Variants in GCNT2 observed in about 807,000 individuals in gnomAD.
GCNT2 encodes the protein glucosaminyl (N-acetyl) transferase 2 (I blood group).
Under a neutral mutation model 34.2 loss-of-function variants are expected in GCNT2, and 34 were observed. The observed-to-expected ratio is 1.00, with a 90% confidence interval of 0.76 to 1.32. The LOEUF is 1.32. Among genes scored for constraint, GCNT2 ranks in the 40% most tolerant of loss-of-function variants. GCNT2 has a pLI of 0.00. For missense variants in GCNT2, 584 were observed against 489.4 expected (o/e 1.19, Z -1.82); for synonymous variants, 212 against 188.0 (o/e 1.13, Z -1.04).
chr6:10,569,212 C>T (rs1215403455), intron 3 of GCNT2, among the ~76,000 whole-genome samples: 1 of 147,236 alleles, frequency 6.8e-6, no homozygotes, highest in Non-Finnish European at 1.5e-5. Flanking sequence ...ACTTGCATCA[C>T]CCCCTGCCAC....
chr6:10,568,023 C>G (rs1763365124), intron 3 of GCNT2, among the ~76,000 whole-genome samples: 1 of 152,170 alleles, frequency 6.6e-6, no homozygotes, highest in African/African-American at 2.4e-5. Context: ...AGCTACTATT[C>G]TCAGTGAAAT....
At chr6:10,537,623 C>T (rs1246664895) in intron 3 of GCNT2, among the ~76,000 whole-genome samples, 1 of 142,618 alleles carries the variant, frequency 7.0e-6, no homozygotes, top group South Asian at 2.2e-4. Flanking sequence ...ATCGCTTAAA[C>T]CCGGGAGGCG....
intron 3 of GCNT2, among the ~76,000 whole-genome samples, chr6:10,612,394 G>A (rs1765597588): frequency 6.6e-6 from 1 of 152,178 alleles, no homozygotes; most frequent in South Asian, 2.1e-4. Flanking sequence ...CACATCTGTG[G>A]TTGGGGACCT....
At chr6:10,563,749 GAAA>G (rs1401502686) in intron 3 of GCNT2, among the ~76,000 whole-genome samples, 2 of 4,246 alleles carry the variant, frequency 4.7e-4, no homozygotes, top group East Asian at 0.012. Context: ...CTCAAAAAAA[GAAA>G]AAAGAAAAAA....
chr6:10,568,988 T>C (rs754556119), intron 3 of GCNT2, among the ~76,000 whole-genome samples: 2 of 152,202 alleles, frequency 1.3e-5, no homozygotes, highest in Non-Finnish European at 2.9e-5. Flanking sequence ...TTTTATGTCA[T>C]TCTAGAATCT....
At chr6:10,563,276 A>T in intron 3 of GCNT2, among the ~76,000 whole-genome samples, 1 of 152,304 alleles carries the variant, frequency 6.6e-6, no homozygotes, top group Non-Finnish European at 1.5e-5. Context: ...AACTGACCTA[A>T]CCGTACCCTT....
At chr6:10,556,744 C>T (rs1218213998) in intron 3 of GCNT2, 4 of 1,614,162 alleles carry the variant, frequency 2.5e-6, no homozygotes, top group East Asian at 2.2e-5. Context: ...ACTTTGACAC[C>T]TTTGCAAGGC....
At position 10,542,641 on chromosome 6, in the gene GCNT2, C is replaced by T. The variant is rs572547220; in HGVS notation, c.925+12805C>T. ...ATGCGTAGCTCCTTTTACTTATTGCCATGTTTTTAAGGTTCATCCGTGTTA... is the reference window on the plus strand; with the variant it reads ...ATGCGTAGCTCCTTTTACTTATTGCTATGTTTTTAAGGTTCATCCGTGTTA... On this transcript the variant is annotated intron_variant, in intron 3 of 4. Transcript: ENST00000495262. 2.6e-5 allele frequency among the ~76,000 whole-genome samples: 4 copies of T among 152,222 alleles called. No individual in the cohort carries two copies. The East Asian group carries it at 7.7e-4, about 29-fold the overall frequency.
intron 3 of GCNT2, among the ~76,000 whole-genome samples, chr6:10,569,162 C>A (rs1350321163): frequency 6.6e-6 from 1 of 150,514 alleles, no homozygotes; most frequent in Admixed American, 6.7e-5. Flanking sequence ...GATGTTGGTG[C>A]CCCTCAGCAC....
chr6:10,543,809 A>G (rs528093375), intron 3 of GCNT2, among the ~76,000 whole-genome samples: 1 of 152,294 alleles, frequency 6.6e-6, no homozygotes, highest in Admixed American at 6.5e-5. Flanking sequence ...CACTGAGGAC[A>G]CTGAGATATG....
intron 3 of GCNT2, among the ~76,000 whole-genome samples, chr6:10,561,165 T>A (rs748458343): frequency 6.6e-6 from 1 of 152,138 alleles, no homozygotes; most frequent in Non-Finnish European, 1.5e-5. Context: ...GAATTTTCTT[T>A]TCTTTTTCTT....
At position 10,555,381 on chromosome 6, in the gene GCNT2, A is replaced by G. The variant is rs956496465; in HGVS notation, c.925+25545A>G. 1.9e-4 allele frequency among the ~76,000 whole-genome samples: 29 copies of G among 152,122 alleles called. 1 individual carries two copies. The highest frequency in any genetic ancestry group is 3.6e-4 in the African/African-American group (15 of 41,426). The stretch of plus-strand genomic sequence containing the variant: ...CTATATTTACAAATAGGGGATAAAA[A>G]CACCCACTTCCTAGGTGGTCCATAA... On this transcript the variant is annotated intron_variant, in intron 3 of 4. Coordinates refer to ENST00000495262, the MANE Select transcript of GCNT2 (RefSeq NM_145649.5).
At chr6:10,555,971 C>T (rs574736453) in intron 3 of GCNT2, 143 of 1,033,680 alleles carry the variant, frequency 1.4e-4, no homozygotes, top group Non-Finnish European at 1.6e-4. Context: ...GGAAGCGGCA[C>T]GCCTGCCAGA....
chr6:10,533,437 G>C (rs1398379173), intron 3 of GCNT2, among the ~76,000 whole-genome samples: 1 of 151,926 alleles, frequency 6.6e-6, no homozygotes, highest in African/African-American at 2.4e-5. Context: ...TCAAATTTTA[G>C]ATTTTCCAGG....
chr6:10,552,432 T>G (rs749969290), intron 3 of GCNT2, among the ~76,000 whole-genome samples: 1 of 152,034 alleles, frequency 6.6e-6, no homozygotes, highest in African/African-American at 2.4e-5. Context: ...TCCTGAATCC[T>G]TGGATTCGAC....
chr6:10,549,173 C>G (rs961917550), intron 3 of GCNT2, among the ~76,000 whole-genome samples: 31 of 152,274 alleles, frequency 2.0e-4, no homozygotes, highest in African/African-American at 7.0e-4. Context: ...GCAGCACATC[C>G]TACAACACAC....
chr6:10,532,244 T>C (rs1761529571), intron 3 of GCNT2, among the ~76,000 whole-genome samples: 1 of 152,126 alleles, frequency 6.6e-6, no homozygotes, highest in African/African-American at 2.4e-5. Flanking sequence ...CCCCCTGACT[T>C]CTCGACTCGA....
At chr6:10,585,890 C>G in intron 3 of GCNT2, 3 of 1,578,962 alleles carry the variant, frequency 1.9e-6, no homozygotes, top group South Asian at 2.3e-5. Flanking sequence ...GAGAAGCTGT[C>G]GAAATTCAAG....
At position 10,529,311 on chromosome 6, in the gene GCNT2, G is replaced by A; in HGVS notation, c.400G>A (p.Asp134Asn). 1 of 1,614,078 alleles carries A rather than the reference G, an allele frequency of 6.2e-7. No homozygotes were observed. Among genetic ancestry groups the A allele is most frequent in the African/African-American group, 1.3e-5 (1 of 75,020 alleles). ...TGTGCACCTGGATCAGAAGGCGACG[G>A]ATGCCTTTAAAGGTGCAGTGAAACA... ...YCVHLDQKATDAFKGAVKQLL... is the reference protein window; with the variant it reads ...YCVHLDQKATNAFKGAVKQLL... Residue 134 changes from aspartate (D) to asparagine (N), a missense_variant, in exon 3 of 5, where the codon GAT becomes AAT. Physicochemically the swap from Asp to Asn is conservative, Grantham distance 23 (BLOSUM62 1). Coordinates refer to ENST00000495262, the MANE Select transcript of GCNT2 (RefSeq NM_145649.5).
Sources: gnomAD v4.1 joint callset for allele counts (sites outside exome capture counted in the v4.1 genomes callset) on GRCh38, gnomAD v4.1.1 for gene constraint, MANE v1.5 for transcripts, NCBI Gene and HGNC (gene_info 2026-07-23, HGNC 2026-07-21) for gene names.